KLHL32: variants seen among roughly 807,000 people sequenced by gnomAD.
KLHL32 encodes kelch-like protein 32.
In KLHL32, 35 loss-of-function variants were observed where a neutral mutation model predicts 64.8. The ratio of observed to expected loss-of-function variants is 0.54; its 90% CI spans 0.41 to 0.72. KLHL32 has a LOEUF of 0.72. KLHL32 is among the 30% of genes least tolerant of loss of function. The pLI, the probability that KLHL32 is intolerant of heterozygous loss-of-function variation, is 0.00. For synonymous variants in KLHL32, 259 were observed against 281.0 expected (o/e 0.92, Z 0.78); for missense variants, 589 against 768.5 (o/e 0.77, Z 2.76).
the KLHL32 span, among the ~76,000 whole-genome samples, chr6:96,900,724 C>T: frequency 6.6e-6 from 1 of 152,162 alleles, no homozygotes; most frequent in African/African-American, 2.4e-5. Flanking sequence ...GTAGCTAAAC[C>T]CAGGTGACAG....
In KLHL32 at chr6:97,140,034, A is replaced by T. The variant is rs951013830; in HGVS notation, c.*752A>T. On this transcript the variant is annotated 3_prime_UTR_variant, in exon 11 of 11. Transcript: ENST00000369261. Reference sequence around the variant, plus strand: ...AAAGAAAAATGTTGTTACTGAAATTATAAGGTATTTTATTGTCTTTAGAAC... The same window carrying T: ...AAAGAAAAATGTTGTTACTGAAATTTTAAGGTATTTTATTGTCTTTAGAAC... 2.6e-5 allele frequency: 4 copies of T among 152,206 alleles called. No individual in the cohort carries two copies. The highest frequency in any genetic ancestry group is 9.6e-5 in the African/African-American group (4 of 41,464). The allele number at this position is 152,206 out of a possible 1,614,324, so 9.4% of individuals were successfully genotyped here.
chr6:97,025,668 C>T (rs1782619244), intron 3 of KLHL32, among the ~76,000 whole-genome samples: 1 of 152,164 alleles, frequency 6.6e-6, no homozygotes, highest in East Asian at 1.9e-4. Context: ...GGCAGTCTTT[C>T]CAACTTGAGA....
chr6:96,969,894 A>G (rs546207772), intron 2 of KLHL32, among the ~76,000 whole-genome samples: 1 of 152,330 alleles, frequency 6.6e-6, no homozygotes, highest in South Asian at 2.1e-4. Context: ...TCTTAAAGAC[A>G]ACTCAAACTT....
chr6:97,077,619 A>G (rs577562989), intron 5 of KLHL32, among the ~76,000 whole-genome samples: 1 of 152,310 alleles, frequency 6.6e-6, no homozygotes, highest in African/African-American at 2.4e-5. Context: ...CAGTACCTAG[A>G]TAGCATCGCA....
intron 1 of KLHL32, among the ~76,000 whole-genome samples, chr6:96,928,011 G>T (rs1156516270): frequency 1.3e-5 from 2 of 152,174 alleles, no homozygotes; most frequent in East Asian, 3.8e-4. Context: ...AAGAAATCTT[G>T]CAACTTCAGC....
chr6:96,945,877 G>A (rs1306539058), intron 1 of KLHL32, among the ~76,000 whole-genome samples: 1 of 152,150 alleles, frequency 6.6e-6, no homozygotes, highest in Admixed American at 6.6e-5. Flanking sequence ...AGAATGTGGA[G>A]GCTGACAGGG....
chr6:97,084,940 A>C (rs1384554674), intron 5 of KLHL32, among the ~76,000 whole-genome samples, 186 bp from the exon 6 acceptor site: 1 of 152,024 alleles, frequency 6.6e-6, no homozygotes, highest in Non-Finnish European at 1.5e-5. Context: ...AAAATTATGA[A>C]TTCTAGAATA....
intron 3 of KLHL32, among the ~76,000 whole-genome samples, chr6:97,038,688 T>C (rs1784651674): frequency 6.6e-6 from 1 of 151,924 alleles, no homozygotes; most frequent in Non-Finnish European, 1.5e-5. Context: ...GAAATCAGTA[T>C]ATATATAAAT....
upstream of KLHL32, chr6:96,924,531 G>C (rs1388466753): frequency 1.3e-5 from 2 of 150,564 alleles, no homozygotes; most frequent in African/African-American, 4.9e-5. Flanking sequence ...GGCGTTGCGC[G>C]CGGGGTGGCG....
At chr6:96,944,742 A>G (rs1249650229) in intron 1 of KLHL32, among the ~76,000 whole-genome samples, 1 of 152,220 alleles carries the variant, frequency 6.6e-6, no homozygotes, top group African/African-American at 2.4e-5. Flanking sequence ...TTTGTTGGTG[A>G]CTTCACAACA....
chr6:97,101,047 A>G (rs985038075), intron 6 of KLHL32, among the ~76,000 whole-genome samples: 3 of 141,932 alleles, frequency 2.1e-5, no homozygotes, highest in South Asian at 2.2e-4. Context: ...GGCTCAGGCA[A>G]TCCTCCCACC....
chr6:96,957,981 G>A (rs1052943927), intron 1 of KLHL32, among the ~76,000 whole-genome samples: 1 of 152,118 alleles, frequency 6.6e-6, no homozygotes, highest in African/African-American at 2.4e-5. Context: ...ATCTGCTTTG[G>A]AGGATTTTGT....
intron 3 of KLHL32, among the ~76,000 whole-genome samples, chr6:97,038,804 T>A (rs1039003121): frequency 3.3e-5 from 5 of 151,864 alleles, no homozygotes; most frequent in African/African-American, 1.2e-4. Flanking sequence ...AGAATTGGGC[T>A]GGGTGCAGTA....
chr6:97,058,339 A>T (rs1365693038), intron 4 of KLHL32, among the ~76,000 whole-genome samples: 1 of 152,232 alleles, frequency 6.6e-6, no homozygotes, highest in African/African-American at 2.4e-5. Context: ...AAGAACTGAC[A>T]TCTTGACAAT....
intron 1 of KLHL32, among the ~76,000 whole-genome samples, chr6:96,947,292 A>G (rs1459974052): frequency 6.6e-6 from 1 of 152,226 alleles, no homozygotes; most frequent in Non-Finnish European, 1.5e-5. Flanking sequence ...CTCACGCTGC[A>G]CAGCTGAGTT....
At chr6:97,055,801 A>C (rs1282226829) in intron 4 of KLHL32, among the ~76,000 whole-genome samples, 2 of 87,328 alleles carry the variant, frequency 2.3e-5, no homozygotes, top group Non-Finnish European at 4.2e-5. Context: ...CTGTCTAAAA[A>C]AAAAAAAAAA....
chr6:96,988,479 A>C (rs1235848022), intron 3 of KLHL32, among the ~76,000 whole-genome samples: 1 of 152,148 alleles, frequency 6.6e-6, no homozygotes, highest in Non-Finnish European at 1.5e-5. Flanking sequence ...GATGTGGAGA[A>C]ATGGGAACAC....
At chr6:97,134,720 T>A (rs1029179557) in intron 10 of KLHL32, among the ~76,000 whole-genome samples, 3 of 152,306 alleles carry the variant, frequency 2.0e-5, no homozygotes, top group Middle Eastern at 3.4e-3. Context: ...GTGGAAATCA[T>A]AACATAATGA....
chr6:97,129,904 A>G (rs1799256362), intron 8 of KLHL32, among the ~76,000 whole-genome samples: 1 of 152,138 alleles, frequency 6.6e-6, no homozygotes, highest in Non-Finnish European at 1.5e-5. Context: ...AAAACAAAAC[A>G]AAACAAAACT....
Sources: gnomAD v4.1 joint callset for allele counts (sites outside exome capture counted in the v4.1 genomes callset) on GRCh38, gnomAD v4.1.1 for gene constraint, MANE v1.5 for transcripts, NCBI Gene and HGNC (gene_info 2026-07-23, HGNC 2026-07-21) for gene names.